TPST1: variants seen among roughly 807,000 people sequenced by gnomAD.
The protein encoded by TPST1 is protein-tyrosine sulfotransferase 1.
Under a neutral mutation model 34.8 loss-of-function variants are expected in TPST1, and 20 were observed. The ratio of observed to expected loss-of-function variants is 0.57; its 90% CI spans 0.40 to 0.84. The LOEUF is 0.84. Among genes scored for constraint, TPST1 ranks in the 40% least tolerant of loss-of-function variants. TPST1 has a pLI of 0.00. For missense variants in TPST1, 353 were observed against 455.5 expected, an observed-to-expected ratio of 0.78 and a Z score of 2.05; for synonymous variants, 152 against 159.4, an observed-to-expected ratio of 0.95 and a Z score of 0.35.
chr7:66,286,132 T>A (rs1002258906), intron 2 of TPST1, among the ~76,000 whole-genome samples: 1 of 152,220 alleles, frequency 6.6e-6, no homozygotes, highest in Non-Finnish European at 1.5e-5. Flanking sequence ...TGTCCCTCTT[T>A]CCATCCATCA....
chr7:66,348,703 G>A (rs1178070013), intron 3 of TPST1, among the ~76,000 whole-genome samples: 2 of 152,200 alleles, frequency 1.3e-5, no homozygotes, highest in Non-Finnish European at 2.9e-5. Context: ...GTTTGTATAG[G>A]CAATGTAGTG....
intron 5 of TPST1, among the ~76,000 whole-genome samples, chr7:66,359,644 C>T (rs1792652869): frequency 6.6e-6 from 1 of 152,194 alleles, no homozygotes; most frequent in African/African-American, 2.4e-5. Context: ...CTGGTTTTGG[C>T]CATCTGCTTG....
intron 2 of TPST1, among the ~76,000 whole-genome samples, chr7:66,258,602 C>T (rs1011992076): frequency 6.6e-6 from 1 of 152,210 alleles, no homozygotes; most frequent in Non-Finnish European, 1.5e-5. Flanking sequence ...CCCCACATCT[C>T]TCTGGCTCAC....
At chr7:66,234,436 C>CACACAG (rs1789868385) in intron 1 of TPST1, among the ~76,000 whole-genome samples, 1 of 151,456 alleles carries the variant, frequency 6.6e-6, no homozygotes, top group African/African-American at 2.4e-5. Context: ...CACACAGACA[C>CACACAG]ACACACACAC....
intron 3 of TPST1, among the ~76,000 whole-genome samples, chr7:66,312,688 AC>A (rs1562839778): frequency 6.6e-6 from 1 of 152,180 alleles, no homozygotes; most frequent in Non-Finnish European, 1.5e-5. Flanking sequence ...TTTTCCTTAA[AC>A]CCAAAGATTA....
intron 2 of TPST1, among the ~76,000 whole-genome samples, chr7:66,267,436 G>A (rs1318190357): frequency 6.6e-6 from 1 of 151,804 alleles, no homozygotes; most frequent in African/African-American, 2.4e-5. Context: ...GCAACCATTT[G>A]TAGGCCATAA....
At chr7:66,225,066 C>T (rs924963403) in intron 1 of TPST1, among the ~76,000 whole-genome samples, 4 of 151,202 alleles carry the variant, frequency 2.6e-5, no homozygotes, top group South Asian at 2.1e-4. Flanking sequence ...TACAGGCACG[C>T]GCCACCACGC....
intron 1 of TPST1, among the ~76,000 whole-genome samples, chr7:66,213,453 G>A (rs1789308142): frequency 6.6e-6 from 1 of 152,140 alleles, no homozygotes; most frequent in South Asian, 2.1e-4. Flanking sequence ...AAGAGTGTAT[G>A]TAATGGCTTG....
At chr7:66,202,936 C>T (rs191989569), upstream of TPST1, among the ~76,000 whole-genome samples, 3 of 152,160 alleles carry the variant, frequency 2.0e-5, no homozygotes, top group Non-Finnish European at 2.9e-5. Context: ...ATTAGCTGGG[C>T]ATGGTGGCAG....
rs78357078 is a variant in TPST1, at chr7:66,242,960, T to A, written c.845+1690T>A. ...TAAGGCTCTATGTTTTTTCAAAAAT[T>A]AACATGTCACAATCATGAGTAGAAC... is the stretch of plus-strand genomic sequence containing the variant. On this transcript the variant is annotated intron_variant, in intron 2 of 5. Transcript: ENST00000304842. 5.4e-3 allele frequency among the ~76,000 whole-genome samples: 815 copies of A among 152,314 alleles called. 62 individuals are homozygous for A. In the East Asian group the frequency reaches 0.14, roughly 26 times the overall value.
At chr7:66,199,859 G>A in the TPST1 span, among the ~76,000 whole-genome samples, 11 of 151,998 alleles carry the variant, frequency 7.2e-5, no homozygotes, top group South Asian at 1.5e-3. Flanking sequence ...GACTACCGCC[G>A]CGCGGCACCA....
chr7:66,312,878 GCAAAGGAGA>G (rs1791558853), intron 3 of TPST1, among the ~76,000 whole-genome samples: 1 of 152,106 alleles, frequency 6.6e-6, no homozygotes, highest in South Asian at 2.1e-4. Context: ...ATAGATGTCT[GCAAAGGAGA>G]CAACAGAAGT....
At chr7:66,223,950 T>C (rs762587499) in intron 1 of TPST1, among the ~76,000 whole-genome samples, 3 of 152,222 alleles carry the variant, frequency 2.0e-5, no homozygotes, top group Non-Finnish European at 2.9e-5. Flanking sequence ...TCTCCATTTG[T>C]GTTCTAGGCA....
intron 3 of TPST1, among the ~76,000 whole-genome samples, chr7:66,311,116 A>G (rs1203739660): frequency 3.3e-5 from 5 of 150,334 alleles, no homozygotes; most frequent in Non-Finnish European, 1.5e-5. Context: ...TTTTTCCCCT[A>G]TTGAAGTATT....
At chr7:66,239,939 T>A (rs193207432) in intron 1 of TPST1, among the ~76,000 whole-genome samples, 29 of 152,314 alleles carry the variant, frequency 1.9e-4, no homozygotes, top group Admixed American at 1.8e-3. Context: ...TGGAGTGCAG[T>A]GGCATGATCT....
chr7:66,318,442 T>G (rs78595643), intron 3 of TPST1, among the ~76,000 whole-genome samples: 5,833 of 152,024 alleles, frequency 0.038, 364 homozygotes, highest in African/African-American at 0.13. Flanking sequence ...ATTGGTTTCC[T>G]TTTTTTTCCC....
intron 2 of TPST1, among the ~76,000 whole-genome samples, chr7:66,279,890 T>C (rs889615495): frequency 3.3e-5 from 5 of 152,216 alleles, no homozygotes; most frequent in Non-Finnish European, 7.3e-5. Flanking sequence ...TAATGAACAG[T>C]AGCTAAACTG....
intron 1 of TPST1, among the ~76,000 whole-genome samples, chr7:66,220,631 A>T (rs1358226524): frequency 9.0e-6 from 1 of 111,022 alleles, no homozygotes; most frequent in Non-Finnish European, 1.7e-5. Flanking sequence ...CAAGGAAGGG[A>T]TGCTTCAGGT....
intron 3 of TPST1, among the ~76,000 whole-genome samples, chr7:66,339,667 G>A (rs1238139511): frequency 6.6e-6 from 1 of 151,848 alleles, no homozygotes; most frequent in Non-Finnish European, 1.5e-5. Flanking sequence ...ACGAAGAGGG[G>A]AAGAACAGAC....
Sources: gnomAD v4.1 joint callset for allele counts (sites outside exome capture counted in the v4.1 genomes callset) on GRCh38, gnomAD v4.1.1 for gene constraint, MANE v1.5 for transcripts, NCBI Gene and HGNC (gene_info 2026-07-23, HGNC 2026-07-21) for gene names.